The following TMEM50A variants were observed in gnomAD, a reference collection of about 807,000 sequenced individuals.
The protein encoded by TMEM50A is cervical cancer oncogene 9.
In TMEM50A, 8 loss-of-function variants were observed where a neutral mutation model predicts 23.9. The observed-to-expected ratio is 0.33, with a 90% CI of 0.20 to 0.60. The LOEUF is 0.60. Among genes scored for constraint, TMEM50A ranks in the 20% least tolerant of loss-of-function variants. The pLI is 0.81. For missense variants in TMEM50A, 178 were observed against 192.7 expected, an observed-to-expected ratio of 0.92 and a Z score of 0.45; for synonymous variants, 55 against 60.4, an observed-to-expected ratio of 0.91 and a Z score of 0.41.
chr1:25,343,071 A>G lies in TMEM50A; in HGVS notation c.204A>G (p.Leu68=). The G allele has an allele frequency of 6.2e-7, 1 of 1,604,466 alleles. No homozygotes were observed. The highest frequency in any genetic ancestry group is 8.5e-7 in the Non-Finnish European group (1 of 1,176,262). ...GTGTTATAGCAACCATAGCCTTCCT[A>G]ATGTAAGTGTCATCGTAATTGGCAT... is the stretch of plus-strand genomic sequence containing the variant. ...ACGVIATIAF[L]MINAVSNGQV... Residue 68 remains leucine (L), a splice_region_variant and synonymous_variant, in exon 3 of 7, where the codon CTA becomes CTG. Transcript: ENST00000374358.
At chr1:25,340,088 C>T (rs1314341532) in intron 1 of TMEM50A, among the ~76,000 whole-genome samples, 4 of 152,098 alleles carry the variant, frequency 2.6e-5, no homozygotes, top group South Asian at 2.1e-4. Context: ...AGACATGCGC[C>T]ACCACCCCCG....
At chr1:25,343,641 C>T (rs987903773) in intron 3 of TMEM50A, among the ~76,000 whole-genome samples, 1 of 152,048 alleles carries the variant, frequency 6.6e-6, no homozygotes, top group African/African-American at 2.4e-5. Flanking sequence ...ATCCTCCCAC[C>T]TCGACCTCCC....
rs1401527769 is a variant in TMEM50A, at chr1:25,362,358, C to G, written c.*1653C>G. ...TAAACTTATTAAATTGACTCTTAAA[C>G]TAAGTTTTTAGTCTTTAATTTTTTA... On this transcript the variant is annotated 3_prime_UTR_variant, in exon 7 of 7. Transcript: ENST00000374358. The G allele has an allele frequency of 1.4e-6, 2 of 1,464,296 alleles. No homozygotes were observed. The highest frequency in any genetic ancestry group is 1.9e-6 in the Non-Finnish European group (2 of 1,074,898). 90.7% of individuals were successfully genotyped at this position (1,464,296 alleles called of 1,614,324 possible). A position where few individuals can be genotyped will look rare whatever the true frequency, so the allele number is the denominator to read the frequency against.
chr1:25,349,715 A>G (rs1417058221), intron 3 of TMEM50A, among the ~76,000 whole-genome samples: 1 of 152,184 alleles, frequency 6.6e-6, no homozygotes, highest in African/African-American at 2.4e-5. Flanking sequence ...TTGGCCTTCC[A>G]AAGTGCTGAG....
At chr1:25,344,869 T>G (rs1165736290) in intron 3 of TMEM50A, among the ~76,000 whole-genome samples, 1 of 152,074 alleles carries the variant, frequency 6.6e-6, no homozygotes, top group Non-Finnish European at 1.5e-5. Flanking sequence ...CTAGAGTTTC[T>G]AGCTGCCTTT....
At chr1:25,346,030 C>A (rs1645211989) in intron 3 of TMEM50A, among the ~76,000 whole-genome samples, 1 of 151,964 alleles carries the variant, frequency 6.6e-6, no homozygotes, top group African/African-American at 2.4e-5. Context: ...TCAAGTGATC[C>A]ACCTGTCTCG....
At chr1:25,338,854 C>G (rs1260017619) in intron 1 of TMEM50A, 1 of 152,124 alleles carries the variant, frequency 6.6e-6, no homozygotes, top group East Asian at 1.9e-4. Flanking sequence ...CCCTCGAGAC[C>G]TAAAAGTCCC....
intron 3 of TMEM50A, among the ~76,000 whole-genome samples, chr1:25,350,059 T>G (rs142517016): frequency 6.6e-6 from 1 of 152,236 alleles, no homozygotes; most frequent in Non-Finnish European, 1.5e-5. Context: ...ACCTTATGTT[T>G]AGAGCCTGTA....
chr1:25,357,649 T>TGTGTGTGTG (rs1645349752), intron 6 of TMEM50A, among the ~76,000 whole-genome samples: 1 of 145,532 alleles, frequency 6.9e-6, no homozygotes, highest in African/African-American at 2.6e-5. Flanking sequence ...TGTGTGTGTG[T>TGTGTGTGTG]TGTTTTGAGA....
At chr1:25,338,713 C>T (rs1645130838) in intron 1 of TMEM50A, 1 of 152,232 alleles carries the variant, frequency 6.6e-6, no homozygotes, top group African/African-American at 2.4e-5. Context: ...CCCCAGGATC[C>T]CTGGAAAATC....
chr1:25,338,856 A>G (rs1473442853), intron 1 of TMEM50A: 3 of 152,132 alleles, frequency 2.0e-5, no homozygotes, highest in Admixed American at 6.5e-5. Context: ...CTCGAGACCT[A>G]AAAGTCCCAG....
chr1:25,351,164 CA>C (rs1179135841), intron 3 of TMEM50A, among the ~76,000 whole-genome samples: 8,165 of 61,168 alleles, frequency 0.13, 676 homozygotes, highest in African/African-American at 0.33. Flanking sequence ...GACTCCGTCT[CA>C]AAAAAAAAAA....
intron 6 of TMEM50A, among the ~76,000 whole-genome samples, chr1:25,359,110 A>T (rs947947542): frequency 6.6e-6 from 1 of 152,090 alleles, no homozygotes; most frequent in Non-Finnish European, 1.5e-5. Flanking sequence ...CCCATAGAGC[A>T]TGCAGGCAGG....
intron 3 of TMEM50A, among the ~76,000 whole-genome samples, chr1:25,346,638 G>A (rs980053825): frequency 1.3e-5 from 2 of 152,134 alleles, no homozygotes; most frequent in Non-Finnish European, 2.9e-5. Flanking sequence ...GGTCTCAAGT[G>A]ATTCTCCTGC....
At chr1:25,343,686 G>A (rs1209373816) in intron 3 of TMEM50A, among the ~76,000 whole-genome samples, 1 of 152,000 alleles carries the variant, frequency 6.6e-6, no homozygotes, top group Non-Finnish European at 1.5e-5. Context: ...GCCACCACAC[G>A]TGGCCAGAAA....
rs569332811 is a variant in TMEM50A, at chr1:25,357,264, TGAGATTTGAGGTGTG to T, written c.428+415_428+429del. 2.2e-4 allele frequency among the ~76,000 whole-genome samples: 34 copies of T among 152,224 alleles called. No homozygotes were observed. In the South Asian group the frequency reaches 5.4e-3, roughly 24 times the overall value. On this transcript the variant is annotated intron_variant, in intron 6 of 6. Coordinates refer to ENST00000374358, the MANE Select transcript of TMEM50A (RefSeq NM_014313.4). Reference sequence around the variant, plus strand: ...TCCTTGATATCGTAGAGTTTGTGAGTGAGATTTGAGGTGTGGAGGAAAAGCCCAAACATTTTTTTA... The same window carrying T: ...TCCTTGATATCGTAGAGTTTGTGAGTGAGGAAAAGCCCAAACATTTTTTTA...
At position 25,360,956 on chromosome 1, in the gene TMEM50A, G is replaced by A. The variant is rs1571811917; in HGVS notation, c.*251G>A. 3 of 368,488 alleles carry A rather than the reference G, an allele frequency of 8.1e-6. No homozygotes were observed. The highest frequency in any genetic ancestry group is 4.3e-5 in the Admixed American group (1 of 23,308). 22.8% of individuals were successfully genotyped at this position (368,488 alleles called of 1,614,324 possible). On this transcript the variant is annotated 3_prime_UTR_variant, in exon 7 of 7. Transcript: ENST00000374358. ...AATAATTTTTGTCAAATTTTATCAT[G>A]GTATAATTTGTAAAAATAAAAAGAA...
chr1:25,354,172 T>C (rs1022012356), intron 5 of TMEM50A, among the ~76,000 whole-genome samples: 137 of 152,026 alleles, frequency 9.0e-4, no homozygotes, highest in Non-Finnish European at 1.4e-3. Flanking sequence ...GTATTTTTTG[T>C]AGAGATGGGG....
At chr1:25,342,822 C>T (rs1645179896) in intron 2 of TMEM50A, 139 bp from the exon 3 acceptor site, 12 of 564,388 alleles carry the variant, frequency 2.1e-5, no homozygotes, top group Middle Eastern at 4.4e-4. Flanking sequence ...GTTATTAGGC[C>T]ATGTGCAAAT....
Sources: gnomAD v4.1 joint callset for allele counts (sites outside exome capture counted in the v4.1 genomes callset) on GRCh38, gnomAD v4.1.1 for gene constraint, MANE v1.5 for transcripts, NCBI Gene and HGNC (gene_info 2026-07-23, HGNC 2026-07-21) for gene names.